B3GNT2: variants seen among roughly 807,000 people sequenced by gnomAD.
B3GNT2 encodes N-acetyllactosaminide beta-1,3-N-acetylglucosaminyltransferase 2.
Under a neutral mutation model 27.6 loss-of-function variants are expected in B3GNT2, and 12 were observed. The observed-to-expected ratio is 0.44, with a 90% confidence interval of 0.28 to 0.71. The LOEUF is 0.71. Among genes scored for constraint, B3GNT2 ranks in the 30% least tolerant of loss-of-function variants. The pLI, the probability that B3GNT2 is intolerant of heterozygous loss-of-function variation, is 0.17. For synonymous variants in B3GNT2, 192 were observed against 189.7 expected (o/e 1.01, Z -0.10); for missense variants, 413 against 488.5 (o/e 0.85, Z 1.46).
chr2:62,206,407 C>T (rs1674374883), intron 1 of B3GNT2, among the ~76,000 whole-genome samples: 1 of 152,174 alleles, frequency 6.6e-6, no homozygotes, highest in Admixed American at 6.5e-5. Context: ...GCGCCCATGG[C>T]ATATGGACAA....
rs1424306358 is a variant in B3GNT2, at chr2:62,222,374, T to C, written c.154T>C (p.Ser52Pro). Residue 52 changes from serine (S) to proline (P), a missense_variant, in exon 2 of 2, where the codon TCT (serine) becomes CCT (proline). Ser to Pro is a moderately conservative substitution (Grantham distance 74). Coordinates refer to ENST00000301998, the MANE Select transcript of B3GNT2 (RefSeq NM_006577.6). The surrounding 1 kb of genome is among the most constrained non-coding windows in gnomAD (Gnocchi z 4.2). ...IIPKEKFWKISTPPEAYWNRE... is the reference protein window; with the variant it reads ...IIPKEKFWKIPTPPEAYWNRE... ...ACCCAAAGAGAAGTTCTGGAAGATA[T>C]CTACCCCTCCCGAGGCATACTGGAA... 6.8e-6 allele frequency: 11 copies of C among 1,613,856 alleles called. No individual in the cohort carries two copies. Among genetic ancestry groups the C allele is most frequent in the South Asian group, 1.1e-5 (1 of 91,058 alleles).
intron 1 of B3GNT2, among the ~76,000 whole-genome samples, chr2:62,207,534 G>T (rs1250380115): frequency 1.3e-5 from 2 of 152,168 alleles, no homozygotes; most frequent in African/African-American, 2.4e-5. Flanking sequence ...TTTTAGCACT[G>T]GGGACTGGTT....
At position 62,222,236 on chromosome 2, in the gene B3GNT2, C is replaced by T. The variant is rs1674712673; in HGVS notation, c.16C>T (p.Arg6Ter). MSVGR[R>*]RIKLLGILMM... ...GATATGAGAAATGAGTGTTGGACGT[C>T]GAAGAATAAAGTTGTTGGGTATCCT... The change falls in exon 2 of 2, where the codon CGA becomes TGA. Residue 6 changes from arginine (R) to a stop codon, truncating the protein, a stop_gained. Transcript: ENST00000301998. LOFTEE classifies it high-confidence loss of function. The surrounding 1 kb of genome is among the most constrained non-coding windows in gnomAD (Gnocchi z 4.2). The T allele has an allele frequency of 1.9e-6, 3 of 1,603,514 alleles. No homozygotes were observed. Among genetic ancestry groups the T allele is most frequent in the Non-Finnish European group, 2.6e-6 (3 of 1,175,720 alleles).
intron 1 of B3GNT2, among the ~76,000 whole-genome samples, chr2:62,199,285 T>C (rs1448543891): frequency 6.6e-6 from 1 of 152,256 alleles, no homozygotes; most frequent in Non-Finnish European, 1.5e-5. Flanking sequence ...ATGAAAATCC[T>C]AATTTAGGGA....
At chr2:62,209,083 C>T (rs960071251) in intron 1 of B3GNT2, among the ~76,000 whole-genome samples, 36 of 152,168 alleles carry the variant, frequency 2.4e-4, no homozygotes, top group African/African-American at 1.2e-4. Context: ...CTCTGCCTCC[C>T]GGGTTCAAGC....
At chr2:62,207,673 A>T (rs1205373000) in intron 1 of B3GNT2, among the ~76,000 whole-genome samples, 1 of 152,172 alleles carries the variant, frequency 6.6e-6, no homozygotes, top group Non-Finnish European at 1.5e-5. Context: ...AGATCCTTGC[A>T]TGCGCAGTTC....
In B3GNT2 at chr2:62,223,070, G is replaced by A. The variant is rs780369888; in HGVS notation, c.850G>A (p.Asp284Asn). 1.2e-6 allele frequency: 2 copies of A among 1,614,096 alleles called. No homozygotes were observed. The highest frequency in any genetic ancestry group is 1.7e-6 in the Non-Finnish European group (2 of 1,180,046). ...GATCCACAATGCTGGACCTCATCGG[G>A]ATAAGAAGCTGAAGTACTACATCCC... is the stretch of plus-strand genomic sequence containing the variant. ...DVIHNAGPHRDKKLKYYIPEV... is the reference protein window; with the variant it reads ...DVIHNAGPHRNKKLKYYIPEV... Residue 284 changes from aspartate (D) to asparagine (N), a missense_variant, in exon 2 of 2, where the codon GAT becomes AAT. Physicochemically the swap from Asp to Asn is conservative, Grantham distance 23. Transcript: ENST00000301998.
At chr2:62,208,193 A>G (rs1674413888) in intron 1 of B3GNT2, among the ~76,000 whole-genome samples, 2 of 151,688 alleles carry the variant, frequency 1.3e-5, no homozygotes, top group African/African-American at 4.8e-5. Flanking sequence ...ATAACAGACA[A>G]CAGATTCCTC....
intron 1 of B3GNT2, among the ~76,000 whole-genome samples, chr2:62,209,866 G>A (rs1426800507): frequency 2.6e-5 from 4 of 152,246 alleles, no homozygotes; most frequent in African/African-American, 9.6e-5. Flanking sequence ...TGTTTAAGAC[G>A]AGGCTAGTTT....
At chr2:62,219,982 G>C (rs1046825259) in intron 1 of B3GNT2, among the ~76,000 whole-genome samples, 1 of 152,218 alleles carries the variant, frequency 6.6e-6, no homozygotes, top group Non-Finnish European at 1.5e-5. Context: ...TTCTATAATA[G>C]TGGTGTTAAC....
At chr2:62,198,701 A>G (rs1244555470) in intron 1 of B3GNT2, among the ~76,000 whole-genome samples, 5 of 152,236 alleles carry the variant, frequency 3.3e-5, no homozygotes, top group African/African-American at 1.2e-4. Flanking sequence ...AAGAAAAGTC[A>G]TGTTTTAGGT....
intron 1 of B3GNT2, among the ~76,000 whole-genome samples, chr2:62,207,115 TGGAA>T (rs1176514452): frequency 1.3e-5 from 2 of 152,232 alleles, no homozygotes; most frequent in Non-Finnish European, 2.9e-5. Context: ...ATTTTTATTT[TGGAA>T]GGAAGACAAA....
Position 62,224,536 on chromosome 2 carries a change from C to T in B3GNT2, c.*1122C>T, listed in dbSNP as rs938012928. 95 of 166,932 alleles carry T rather than the reference C, an allele frequency of 5.7e-4. No homozygotes were observed. The highest frequency in any genetic ancestry group is 1.2e-3 in the Non-Finnish European group (79 of 68,066). 10.3% of individuals were successfully genotyped at this position (166,932 alleles called of 1,614,324 possible). ...AAGGTGTAACATATGTTAAATAAAA[C>T]TGTTATTTTTGAATTTTAAAATTTG... On this transcript the variant is annotated 3_prime_UTR_variant, in exon 2 of 2. Transcript: ENST00000301998.
At position 62,223,461 on chromosome 2, in the gene B3GNT2, T is replaced by C; in HGVS notation, c.*47T>C. Reference sequence around the variant, plus strand: ...GCATAGAAAGGTGTATTTTGAATAGTTCCCATGTTGTGTTCTCACATTAGA... The same window carrying C: ...GCATAGAAAGGTGTATTTTGAATAGCTCCCATGTTGTGTTCTCACATTAGA... On this transcript the variant is annotated 3_prime_UTR_variant, in exon 2 of 2. Coordinates refer to ENST00000301998, the MANE Select transcript of B3GNT2 (RefSeq NM_006577.6). 1 of 1,454,732 alleles carries C rather than the reference T, an allele frequency of 6.9e-7. No homozygotes were observed. Among genetic ancestry groups the C allele is most frequent in the Middle Eastern group, 1.8e-4 (1 of 5,554 alleles). 90.1% of individuals were successfully genotyped at this position (1,454,732 alleles called of 1,614,324 possible).
At chr2:62,214,479 G>A (rs1339494417) in intron 1 of B3GNT2, among the ~76,000 whole-genome samples, 1 of 152,192 alleles carries the variant, frequency 6.6e-6, no homozygotes, top group Non-Finnish European at 1.5e-5. Flanking sequence ...GCACACAGAG[G>A]CCCGAGGAAG....
chr2:62,202,441 G>T (rs1674282935), intron 1 of B3GNT2, among the ~76,000 whole-genome samples: 1 of 152,236 alleles, frequency 6.6e-6, no homozygotes, highest in Non-Finnish European at 1.5e-5. Flanking sequence ...TGGGTTTGGA[G>T]TGCATGGTGC....
At chr2:62,196,588 C>G (rs574288104) in intron 1 of B3GNT2, among the ~76,000 whole-genome samples, 1 of 152,370 alleles carries the variant, frequency 6.6e-6, no homozygotes, top group East Asian at 1.9e-4. Context: ...TCCCGCCGTC[C>G]CAGCCACCCA....
intron 1 of B3GNT2, among the ~76,000 whole-genome samples, chr2:62,214,243 A>G (rs1674530615): frequency 6.6e-6 from 1 of 152,196 alleles, no homozygotes; most frequent in Admixed American, 6.5e-5. Context: ...CAGCATGAGC[A>G]GGGAGGGTGT....
At chr2:62,216,912 T>C (rs1197642075) in intron 1 of B3GNT2, among the ~76,000 whole-genome samples, 2 of 152,210 alleles carry the variant, frequency 1.3e-5, no homozygotes, top group East Asian at 1.9e-4. Context: ...TCCAGTACAA[T>C]GTGTAGAAGA....
Sources: allele counts gnomAD v4.1 joint callset (sites outside exome capture counted in the v4.1 genomes callset), GRCh38; gene constraint gnomAD v4.1.1; non-coding constraint Gnocchi (gnomAD v3.1); transcripts MANE v1.5; gene names NCBI Gene and HGNC (gene_info 2026-07-23, HGNC 2026-07-21).